Variants in LRP1B observed in about 807,000 individuals in gnomAD.
LRP1B encodes the protein low-density lipoprotein receptor-related protein 1B.
Under a neutral mutation model 556.6 loss-of-function variants are expected in LRP1B, and 217 were observed. That is an observed-to-expected ratio of 0.39 (90% CI 0.35 to 0.44). The LOEUF (loss-of-function observed/expected upper bound fraction) is 0.44, where lower values mean the gene tolerates loss of function less well. LRP1B is among the 20% of genes least tolerant of loss of function. LRP1B has a pLI of 1.00. For synonymous variants in LRP1B, 2,047 were observed against 1,865.8 expected (o/e 1.10, Z -2.50); for missense variants, 5,053 against 5,620.8 (o/e 0.90, Z 3.23).
intron 1 of LRP1B, among the ~76,000 whole-genome samples, chr2:141,854,877 G>C (rs781125829): frequency 1.3e-5 from 2 of 151,854 alleles, no homozygotes; most frequent in African/African-American, 2.4e-5. Context: ...TCTTTTGATA[G>C]ACAGATAAAA....
intron 57 of LRP1B, among the ~76,000 whole-genome samples, chr2:140,488,427 T>C (rs1268920328): frequency 2.6e-5 from 4 of 152,108 alleles, no homozygotes; most frequent in Admixed American, 6.6e-5. Flanking sequence ...TTCAGACTCA[T>C]GGTTATGCAT....
chr2:142,059,562 G>A (rs535096782), intron 1 of LRP1B, among the ~76,000 whole-genome samples: 8 of 152,014 alleles, frequency 5.3e-5, no homozygotes, highest in East Asian at 1.9e-4. Context: ...TATAGTAGGC[G>A]ATCTTTTAAA....
At chr2:140,360,875 A>G (rs1232527132) in intron 72 of LRP1B, among the ~76,000 whole-genome samples, 1 of 151,576 alleles carries the variant, frequency 6.6e-6, no homozygotes, top group Non-Finnish European at 1.5e-5. Flanking sequence ...CAGTTGCAGC[A>G]TAAATTTGCT....
At chr2:140,749,241 A>G (rs938993285) in intron 35 of LRP1B, among the ~76,000 whole-genome samples, 2 of 152,162 alleles carry the variant, frequency 1.3e-5, no homozygotes, top group Admixed American at 1.3e-4. Flanking sequence ...GGTCCAGGAC[A>G]TTAGTGTACA....
chr2:140,514,390 T>A (rs4439899), intron 51 of LRP1B, among the ~76,000 whole-genome samples: 1 of 151,554 alleles, frequency 6.6e-6, no homozygotes, highest in African/African-American at 2.4e-5. Context: ...CTTCAAAGAA[T>A]TCACCGAAAG....
intron 3 of LRP1B, among the ~76,000 whole-genome samples, chr2:141,365,911 G>A (rs750269477): frequency 1.3e-5 from 2 of 152,022 alleles, no homozygotes; most frequent in Non-Finnish European, 2.9e-5. Context: ...CTGACCTTGT[G>A]ACCCGCCCAC....
chr2:141,948,373 T>C (rs1701014813), intron 1 of LRP1B, among the ~76,000 whole-genome samples: 1 of 152,116 alleles, frequency 6.6e-6, no homozygotes, highest in South Asian at 2.1e-4. Flanking sequence ...GTATAAATGA[T>C]TGGCATAATT....
At chr2:141,617,275 A>G (rs1361589545) in intron 2 of LRP1B, among the ~76,000 whole-genome samples, 2 of 152,190 alleles carry the variant, frequency 1.3e-5, no homozygotes, top group Admixed American at 6.5e-5. Context: ...ATACAAACAC[A>G]AGAAGTTTAG....
At chr2:141,876,622 T>A (rs1259686331) in intron 1 of LRP1B, among the ~76,000 whole-genome samples, 1 of 147,716 alleles carries the variant, frequency 6.8e-6, no homozygotes, top group African/African-American at 2.5e-5. Flanking sequence ...CCTGGAATAT[T>A]ACCACTCATT....
chr2:141,869,418 C>A (rs1271604407), intron 1 of LRP1B, among the ~76,000 whole-genome samples: 1 of 151,878 alleles, frequency 6.6e-6, no homozygotes. Context: ...TCTCAAAGTT[C>A]AAAGAAAAAC....
At chr2:140,850,877 A>G (rs1000859387) in intron 28 of LRP1B, among the ~76,000 whole-genome samples, 1 of 152,096 alleles carries the variant, frequency 6.6e-6, no homozygotes, top group African/African-American at 2.4e-5. Flanking sequence ...ATATCACTTT[A>G]CTTCCTTGCA....
At chr2:141,288,744 CT>C (rs1172157628) in intron 3 of LRP1B, among the ~76,000 whole-genome samples, 1 of 152,122 alleles carries the variant, frequency 6.6e-6, no homozygotes, top group Non-Finnish European at 1.5e-5. Context: ...ATACCTAAAA[CT>C]CTTTTCTTCC....
chr2:141,854,279 T>C (rs187731443), intron 1 of LRP1B, among the ~76,000 whole-genome samples: 1 of 152,108 alleles, frequency 6.6e-6, no homozygotes, highest in East Asian at 1.9e-4. Flanking sequence ...ATCGTCATAA[T>C]TGTGGCTGAT....
At chr2:140,331,686 CAT>C (rs10571873) in intron 79 of LRP1B, among the ~76,000 whole-genome samples, 9,109 of 142,964 alleles carry the variant, frequency 0.064, 365 homozygotes, top group African/African-American at 0.12. Flanking sequence ...TATATATATA[CAT>C]ATATATATAT....
chr2:140,789,588 G>C (rs1690033792), intron 32 of LRP1B, among the ~76,000 whole-genome samples: 1 of 149,504 alleles, frequency 6.7e-6, no homozygotes, highest in Non-Finnish European at 1.5e-5. Context: ...TACCAGCTGA[G>C]GCATGCCAAG....
intron 18 of LRP1B, among the ~76,000 whole-genome samples, chr2:140,975,299 C>A (rs899442674): frequency 1.3e-5 from 2 of 151,708 alleles, no homozygotes; most frequent in Non-Finnish European, 2.9e-5. Flanking sequence ...TTCAGGGAAT[C>A]CTAAAGAGGG....
At chr2:140,944,194 C>T (rs1479786304) in intron 20 of LRP1B, among the ~76,000 whole-genome samples, 2 of 152,022 alleles carry the variant, frequency 1.3e-5, no homozygotes, top group African/African-American at 4.8e-5. Flanking sequence ...TTCTTGGAAA[C>T]ACACAACTTC....
intron 2 of LRP1B, among the ~76,000 whole-genome samples, chr2:141,646,572 G>T (rs974559393): frequency 6.6e-6 from 1 of 152,082 alleles, no homozygotes; most frequent in Non-Finnish European, 1.5e-5. Flanking sequence ...CTCATTGGGT[G>T]TATAGCAACA....
chr2:142,107,505 G>T (rs1706789685), intron 1 of LRP1B, among the ~76,000 whole-genome samples: 1 of 152,128 alleles, frequency 6.6e-6, no homozygotes, highest in Non-Finnish European at 1.5e-5. Context: ...CAAGCCTCCA[G>T]AAATTATCTG....
Sources: allele counts gnomAD v4.1 joint callset (sites outside exome capture counted in the v4.1 genomes callset), GRCh38; gene constraint gnomAD v4.1.1; transcripts MANE v1.5; gene names NCBI Gene and HGNC (gene_info 2026-07-23, HGNC 2026-07-21).